Variants in LMBRD2 observed in about 807,000 individuals in gnomAD.
The protein encoded by LMBRD2 is LMBR1 domain containing 2.
In LMBRD2, 55 loss-of-function variants were observed where a neutral mutation model predicts 94.4. That is an observed-to-expected ratio of 0.58 (90% CI 0.47 to 0.73). LMBRD2 has a LOEUF of 0.73. LMBRD2 is among the 30% of genes least tolerant of loss of function. The pLI is 0.00. For synonymous variants in LMBRD2, 246 were observed against 272.4 expected, an observed-to-expected ratio of 0.90 and a Z score of 0.95; for missense variants, 640 against 831.9, an observed-to-expected ratio of 0.77 and a Z score of 2.84.
intron 8 of LMBRD2, 38 bp from the exon 9 acceptor site, chr5:36,122,501 G>C (rs755200712): frequency 6.5e-7 from 1 of 1,540,076 alleles, no homozygotes; most frequent in Non-Finnish European, 8.9e-7. Flanking sequence ...GCAGTGTTCT[G>C]ATCCAACAGT....
chr5:36,112,618 C>T (rs189978544), intron 13 of LMBRD2, among the ~76,000 whole-genome samples: 2 of 152,104 alleles, frequency 1.3e-5, no homozygotes, highest in Admixed American at 1.3e-4. Context: ...GATAAAATGG[C>T]ACTCAAAGTT....
In LMBRD2 at chr5:36,102,420, C is replaced by T. The variant is rs1743365239; in HGVS notation, c.*1626G>A. ...TACAAAGAGGATCAAATTATCTCTG[C>T]TCCTGGCTTATTGCTTTCTGGCCAC... On this transcript the variant is annotated 3_prime_UTR_variant, in exon 18 of 18. Coordinates refer to ENST00000296603, the MANE Select transcript of LMBRD2 (RefSeq NM_001007527.2). 6.6e-6 allele frequency: 1 copy of T among 151,852 alleles called. No homozygotes were observed. The highest frequency in any genetic ancestry group is 2.1e-4 in the South Asian group (1 of 4,826). The allele number at this position is 151,852 out of a possible 1,614,324, so 9.4% of individuals were successfully genotyped here.
intron 16 of LMBRD2, among the ~76,000 whole-genome samples, chr5:36,107,232 C>A (rs968304888): frequency 1.3e-5 from 2 of 152,128 alleles, no homozygotes; most frequent in East Asian, 1.9e-4. Context: ...GAAATTCCCC[C>A]CTATCTGTTC....
intron 6 of LMBRD2, among the ~76,000 whole-genome samples, chr5:36,135,350 T>C (rs187850927): frequency 2.6e-5 from 4 of 152,320 alleles, no homozygotes; most frequent in Admixed American, 1.3e-4. Flanking sequence ...AAATAGTAAG[T>C]CTATATAATT....
intron 9 of LMBRD2, among the ~76,000 whole-genome samples, chr5:36,121,968 T>C (rs1165541185): frequency 2.0e-5 from 3 of 152,168 alleles, no homozygotes; most frequent in Non-Finnish European, 4.4e-5. Context: ...ACAATACATT[T>C]CTCAGAGTAA....
chr5:36,142,657 A>T (rs1744439693), intron 2 of LMBRD2, 58 bp from the exon 3 acceptor site: 1 of 906,364 alleles, frequency 1.1e-6, no homozygotes. Context: ...AAGTACTTAA[A>T]GGACATCAGA....
At chr5:36,149,317 A>G (rs921623459) in intron 1 of LMBRD2, among the ~76,000 whole-genome samples, 14 of 152,230 alleles carry the variant, frequency 9.2e-5, no homozygotes, top group African/African-American at 3.1e-4. Flanking sequence ...CACCACAGAG[A>G]CTATCAGTTC....
At chr5:36,109,793 A>G in intron 15 of LMBRD2, 152 bp downstream of exon 15, 1 of 608,346 alleles carries the variant, frequency 1.6e-6, no homozygotes, top group South Asian at 2.4e-5. Flanking sequence ...TATACCTGAA[A>G]GTATTAAAAT....
At chr5:36,148,167 A>G (rs1011631911) in intron 1 of LMBRD2, among the ~76,000 whole-genome samples, 4 of 152,018 alleles carry the variant, frequency 2.6e-5, no homozygotes, top group African/African-American at 9.7e-5. Context: ...TTATTCACAT[A>G]TTTAAAGATT....
chr5:36,106,495 CT>C (rs982329706), intron 16 of LMBRD2, among the ~76,000 whole-genome samples: 6 of 142,522 alleles, frequency 4.2e-5, no homozygotes, highest in Admixed American at 7.1e-5. Context: ...AAAATCCCAA[CT>C]TTTTTTTCTT....
At position 36,121,448 on chromosome 5, in the gene LMBRD2, T is replaced by C. The variant is rs563986526; in HGVS notation, c.1120+832A>G. ...TAGAAGTTTTAATACTATGACACTT[T>C]GGTACTTGCTTTAAGTTTCTTCACA... On this transcript the variant is annotated intron_variant, in intron 9 of 17. Coordinates refer to ENST00000296603, the MANE Select transcript of LMBRD2 (RefSeq NM_001007527.2). Among the ~76,000 whole-genome samples the C allele has an allele frequency of 1.6e-4, 24 of 152,334 alleles. 1 individual carries two copies. The South Asian group carries it at 4.8e-3, about 30-fold the overall frequency.
chr5:36,105,166 C>T lies in LMBRD2; in HGVS notation c.1929G>A (p.Arg643=), dbSNP rs747835801. Residue 643 remains arginine (R), a synonymous_variant, in exon 17 of 18, where the codon AGG becomes AGA. Coordinates refer to ENST00000296603, the MANE Select transcript of LMBRD2 (RefSeq NM_001007527.2). ...GAAGTTCTATCCGGTCCCTTTCAGT[C>T]CTGTTATTAGCCCTGGTATATTTGA... ...SAFKYTRANN[R]TERDRIELLQ... is the part of the protein sequence containing the mutation. The T allele has an allele frequency of 1.2e-6, 2 of 1,612,630 alleles. No individual in the cohort carries two copies. The highest frequency in any genetic ancestry group is 1.7e-6 in the Non-Finnish European group (2 of 1,179,030).
chr5:36,141,887 T>G (rs1744418871), intron 3 of LMBRD2, among the ~76,000 whole-genome samples: 1 of 152,186 alleles, frequency 6.6e-6, no homozygotes, highest in African/African-American at 2.4e-5. Flanking sequence ...CACCTGCATT[T>G]TAAATTTACC....
chr5:36,114,286 C>A, intron 13 of LMBRD2, 138 bp downstream of exon 13: 3 of 972,990 alleles, frequency 3.1e-6, no homozygotes, highest in South Asian at 2.3e-5. Flanking sequence ...CTCAAGTAGT[C>A]CCTTCAAACT....
At chr5:36,124,053 G>T in intron 7 of LMBRD2, 138 bp downstream of exon 7, 1 of 475,176 alleles carries the variant, frequency 2.1e-6, no homozygotes, top group Admixed American at 4.0e-5. Flanking sequence ...AAGTACAAAT[G>T]GTGTTGGGTT....
At chr5:36,111,877 C>T (rs1269339126) in intron 13 of LMBRD2, among the ~76,000 whole-genome samples, 1 of 151,984 alleles carries the variant, frequency 6.6e-6, no homozygotes, top group African/African-American at 2.4e-5. Context: ...GATAAGAAAA[C>T]AGGCCTAAGG....
intron 1 of LMBRD2, among the ~76,000 whole-genome samples, chr5:36,144,272 C>T (rs1361567045): frequency 1.3e-5 from 2 of 152,066 alleles, no homozygotes; most frequent in Non-Finnish European, 2.9e-5. Context: ...TAATCAAAGG[C>T]AATATGAACT....
chr5:36,137,435 G>T lies in LMBRD2; in HGVS notation c.375C>A (p.Leu125=). ...YWTSQFLTWI[L]LPFMQSYARS... ...TTGCATATGACTGCATAAAAGGTAA[G>T]AGAATCCTAGATGGATAGAAAAAAT... The change falls in exon 5 of 18, where the codon CTC becomes CTA. Residue 125 remains leucine, a synonymous_variant. Coordinates refer to ENST00000296603, the MANE Select transcript of LMBRD2 (RefSeq NM_001007527.2). The T allele has an allele frequency of 6.4e-7, 1 of 1,554,318 alleles. No individual in the cohort carries two copies.
At chr5:36,137,140 G>T (rs1744290455) in intron 5 of LMBRD2, 134 bp downstream of exon 5, 1 of 549,430 alleles carries the variant, frequency 1.8e-6, no homozygotes, top group Non-Finnish European at 3.1e-6. Flanking sequence ...ATATTCTTTT[G>T]GGGAAATCCA....
Sources: gnomAD v4.1 joint callset for allele counts (sites outside exome capture counted in the v4.1 genomes callset) on GRCh38, gnomAD v4.1.1 for gene constraint, MANE v1.5 for transcripts, NCBI Gene and HGNC (gene_info 2026-07-23, HGNC 2026-07-21) for gene names.